NEK10: variants seen among roughly 807,000 people sequenced by gnomAD.
NEK10 encodes serine/threonine-protein kinase Nek10.
A neutral mutation model predicts 159.8 loss-of-function variants in NEK10; 122 were observed. That is an observed-to-expected ratio of 0.76 (90% CI 0.66 to 0.89). The LOEUF (loss-of-function observed/expected upper bound fraction) is 0.89. Ranked by LOEUF, NEK10 falls within the 40% of genes least tolerant of loss-of-function variation. The pLI is 0.00. For missense variants in NEK10, 1,342 were observed against 1,323.1 expected (o/e 1.01, Z -0.22); for synonymous variants, 466 against 457.1 (o/e 1.02, Z -0.25).
At chr3:27,269,885 T>C (rs889962865) in intron 22 of NEK10, among the ~76,000 whole-genome samples, 6 of 152,220 alleles carry the variant, frequency 3.9e-5, no homozygotes, top group African/African-American at 9.6e-5. Flanking sequence ...CTGACTGATA[T>C]AGTTCCTCAC....
chr3:27,366,814 T>C (rs2149918693), intron 1 of NEK10, among the ~76,000 whole-genome samples: 1 of 149,678 alleles, frequency 6.7e-6, no homozygotes, highest in South Asian at 2.1e-4. Flanking sequence ...TTCATTTTTT[T>C]TTTTTTTTTT....
intron 1 of NEK10, among the ~76,000 whole-genome samples, chr3:27,367,058 C>T (rs1446889780): frequency 2.0e-5 from 3 of 152,160 alleles, no homozygotes; most frequent in Non-Finnish European, 4.4e-5. Context: ...GATCCACCCA[C>T]CTCATCGTCC....
At chr3:27,226,145 C>T (rs950203808) in intron 23 of NEK10, among the ~76,000 whole-genome samples, 6 of 151,898 alleles carry the variant, frequency 4.0e-5, no homozygotes, top group Non-Finnish European at 8.8e-5. Flanking sequence ...CATTCTCCTG[C>T]CTCAGCCTCC....
intron 30 of NEK10, chr3:27,162,303 C>G: frequency 7.7e-7 from 1 of 1,303,900 alleles, no homozygotes; most frequent in Non-Finnish European, 1.0e-6. Context: ...TTGTTACCAT[C>G]AAATCGCCAA....
At chr3:27,197,374 C>T (rs1292327472) in intron 25 of NEK10, among the ~76,000 whole-genome samples, 1 of 151,916 alleles carries the variant, frequency 6.6e-6, no homozygotes, top group Non-Finnish European at 1.5e-5. Flanking sequence ...TGGGGTTTCA[C>T]CATGTTGGCC....
intron 14 of NEK10, among the ~76,000 whole-genome samples, chr3:27,296,901 G>T (rs576793602): frequency 1.3e-5 from 2 of 152,202 alleles, no homozygotes; most frequent in African/African-American, 4.8e-5. Flanking sequence ...GCAATTCAGA[G>T]TATCCCTTTT....
rs180953392 is a variant in NEK10 at position 27,112,413 on chromosome 3, C to T, written c.3300-1093G>A. ...CTTAAATTGTAAACTTGAATAACAC[C>T]GAAATTATATATGTAACTTTCTCAG... On this transcript the variant is annotated intron_variant, in intron 35 of 35. Transcript: ENST00000691995. Among the ~76,000 whole-genome samples the T allele has an allele frequency of 2.0e-3, 311 of 152,194 alleles. 1 individual carries two copies. The highest frequency in any genetic ancestry group is 3.3e-3 in the Non-Finnish European group (223 of 68,012).
Position 27,310,939 on chromosome 3 carries a change from G to A in NEK10, c.636+10C>T, listed in dbSNP as rs781605438. ...GAGCTGAAGCATTAACTCTTTCAGGGGCCACTCACCTTGTGGGCTCCACTT... is the reference window on the plus strand; with the variant it reads ...GAGCTGAAGCATTAACTCTTTCAGGAGCCACTCACCTTGTGGGCTCCACTT... On this transcript the variant is annotated intron_variant, in intron 9 of 35. Transcript: ENST00000691995. 1 of 1,575,322 alleles carries A rather than the reference G, an allele frequency of 6.3e-7. No individual in the cohort carries two copies. Among genetic ancestry groups the A allele is most frequent in the Non-Finnish European group, 8.7e-7 (1 of 1,145,694 alleles).
At chr3:27,265,490 T>C (rs945359315) in intron 22 of NEK10, 3 of 152,248 alleles carry the variant, frequency 2.0e-5, no homozygotes, top group Admixed American at 6.5e-5. Context: ...CATAGTGATA[T>C]CTCAGTATAG....
chr3:27,149,603 A>AACTTAATGGATGGATGTTGTGTGT (rs1469069900), intron 30 of NEK10, among the ~76,000 whole-genome samples: 8 of 152,162 alleles, frequency 5.3e-5, no homozygotes, highest in Non-Finnish European at 7.3e-5. Flanking sequence ...TAAGATAGTA[A>AACTTAATGGATGGATGTTGTGTGT]ACTTAATGGA....
chr3:27,152,290 A>T (rs1385303275), intron 30 of NEK10, among the ~76,000 whole-genome samples: 1 of 152,216 alleles, frequency 6.6e-6, no homozygotes, highest in Non-Finnish European at 1.5e-5. Flanking sequence ...TTAATAGCAG[A>T]TTTCTCAGCA....
intron 5 of NEK10, among the ~76,000 whole-genome samples, chr3:27,326,092 G>A (rs1477191774): frequency 1.3e-5 from 2 of 152,102 alleles, no homozygotes; most frequent in African/African-American, 4.8e-5. Flanking sequence ...CCCTGCATTG[G>A]GAAAAATAAA....
rs562495822 is a variant in NEK10, at chr3:27,107,130, T to A, written c.*4142A>T. On this transcript the variant is annotated 3_prime_UTR_variant, in exon 36 of 36. Transcript: ENST00000691995. ...TGTTACATACATGCAATAAAGCATC[T>A]AGTATACCTCACATAGCAAGTATGC... Among the ~76,000 whole-genome samples, 1 of 152,156 alleles carries A rather than the reference T, an allele frequency of 6.6e-6. No homozygotes were observed. The highest frequency in any genetic ancestry group is 6.5e-5 in the Admixed American group (1 of 15,274).
intron 3 of NEK10, among the ~76,000 whole-genome samples, chr3:27,348,510 G>A (rs990593096): frequency 6.6e-6 from 1 of 152,110 alleles, no homozygotes; most frequent in Non-Finnish European, 1.5e-5. Context: ...TTCAGAATCC[G>A]GTTCAAAACC....
At chr3:27,128,286 A>G (rs1015503951) in intron 32 of NEK10, among the ~76,000 whole-genome samples, 2 of 152,162 alleles carry the variant, frequency 1.3e-5, no homozygotes, top group African/African-American at 4.8e-5. Flanking sequence ...CCTTAATCAG[A>G]TGTAGATTCA....
Position 27,182,122 on chromosome 3 carries a change from C to T in NEK10, c.2506-7289G>A, listed in dbSNP as rs146052969. On this transcript the variant is annotated intron_variant, in intron 26 of 35. Coordinates refer to ENST00000691995, the MANE Select transcript of NEK10 (RefSeq NM_001394966.1). ...AGATGGGAGGATAAGTTCAAGAGAT[C>T]TATTGCACAGCATGATGATTATACT... is the stretch of plus-strand genomic sequence containing the variant. 3.9e-3 allele frequency among the ~76,000 whole-genome samples: 587 copies of T among 152,122 alleles called. 3 individuals carry two copies. Among genetic ancestry groups the T allele is most frequent in the African/African-American group, 9.6e-3 (399 of 41,522 alleles).
chr3:27,197,339 C>T (rs1949647906), intron 25 of NEK10, among the ~76,000 whole-genome samples: 1 of 151,912 alleles, frequency 6.6e-6, no homozygotes, highest in African/African-American at 2.4e-5. Flanking sequence ...CCAGGCCTGG[C>T]TAATTTTTGT....
At chr3:27,194,325 C>T (rs11928858) in intron 25 of NEK10, 34,678 of 151,928 alleles carry the variant, frequency 0.23, 4,278 homozygotes, top group Middle Eastern at 0.38. Context: ...GACGGGGTTT[C>T]ATCGTGGTCT....
At chr3:27,123,271 G>T (rs1186884771) in intron 32 of NEK10, among the ~76,000 whole-genome samples, 1 of 152,158 alleles carries the variant, frequency 6.6e-6, no homozygotes, top group African/African-American at 2.4e-5. Context: ...CTTACAAAAA[G>T]AAGGGTCCTT....
Sources: allele counts gnomAD v4.1 joint callset (sites outside exome capture counted in the v4.1 genomes callset), GRCh38; gene constraint gnomAD v4.1.1; transcripts MANE v1.5; gene names NCBI Gene and HGNC (gene_info 2026-07-23, HGNC 2026-07-21).